The following SHROOM2 variants were observed in gnomAD, a reference collection of about 807,000 sequenced individuals.
SHROOM2 encodes the protein shroom family member 2.
In SHROOM2, 33 loss-of-function variants were observed where a neutral mutation model predicts 75.9. The observed-to-expected ratio is 0.43, with a 90% CI of 0.33 to 0.58. The LOEUF (loss-of-function observed/expected upper bound fraction) is 0.58. Ranked by LOEUF, SHROOM2 falls within the 20% of genes least tolerant of loss-of-function variation. The pLI is 0.04. For synonymous variants in SHROOM2, 655 were observed against 663.6 expected, an observed-to-expected ratio of 0.99 and a Z score of 0.20; for missense variants, 1,434 against 1,461.2, an observed-to-expected ratio of 0.98 and a Z score of 0.30.
At chrX:9,834,302 G>A (rs146798118) in intron 1 of SHROOM2, among the ~76,000 whole-genome samples, 237 of 112,355 alleles carry the variant, frequency 2.1e-3, no homozygotes, top group Middle Eastern at 4.6e-3. Context: ...GGAGGAGGTG[G>A]TGTCCTCCAG....
intron 1 of SHROOM2, among the ~76,000 whole-genome samples, chrX:9,829,571 G>A (rs2083905231): frequency 8.9e-6 from 1 of 112,020 alleles, no homozygotes; most frequent in South Asian, 3.7e-4. Flanking sequence ...CCCTTAGGGT[G>A]GCAGGGACAC....
Position 9,895,351 on chromosome X carries a change from G to T in SHROOM2, c.1443G>T (p.Val481=), listed in dbSNP as rs370272422. 1.7e-6 allele frequency: 2 copies of T among 1,183,364 alleles called. No individual in the cohort carries two copies. The highest frequency in any genetic ancestry group is 2.3e-6 in the Non-Finnish European group (2 of 881,595). ...GCTGGCAGGGTCCCCGGCCCTGTGT[G>T]CAGGGAGACCTGCAAGCAGCACAGC... The part of the protein sequence containing the change: ...GSGWQGPRPC[V]QGDLQAAQLW... Residue 481 remains valine, a synonymous_variant, in exon 4 of 10, where the codon GTG becomes GTT. Transcript: ENST00000380913.
intron 2 of SHROOM2, among the ~76,000 whole-genome samples, chrX:9,889,271 C>T (rs1411736175): frequency 8.9e-6 from 1 of 112,320 alleles, no homozygotes; most frequent in Non-Finnish European, 1.9e-5. Flanking sequence ...TCTGAGTCAT[C>T]GAAAGGTTTG....
chrX:9,930,083 G>A (rs1187226108), intron 5 of SHROOM2, among the ~76,000 whole-genome samples: 1 of 111,581 alleles, frequency 9.0e-6, no homozygotes, highest in East Asian at 2.8e-4. Context: ...GCGTGAAAAC[G>A]AACTAATACC....
At chrX:9,874,084 C>CA (rs1569155556) in intron 2 of SHROOM2, among the ~76,000 whole-genome samples, 1 of 112,308 alleles carries the variant, frequency 8.9e-6, no homozygotes, top group East Asian at 2.8e-4. Flanking sequence ...AGGCAGAAAA[C>CA]GGTGCTTATG....
chrX:9,920,292 T>C (rs997247396), intron 5 of SHROOM2, among the ~76,000 whole-genome samples: 1 of 112,461 alleles, frequency 8.9e-6, no homozygotes, highest in African/African-American at 3.2e-5. Flanking sequence ...GATACCCCGA[T>C]AGAGTTGTGG....
At chrX:9,919,459 G>GCCT (rs2084522154) in intron 5 of SHROOM2, among the ~76,000 whole-genome samples, 2 of 104,578 alleles carry the variant, frequency 1.9e-5, no homozygotes, top group Non-Finnish European at 3.9e-5. Flanking sequence ...AGCCTCCTGA[G>GCCT]TAGCTGGGAC....
At chrX:9,886,766 T>C (rs940311173) in intron 2 of SHROOM2, among the ~76,000 whole-genome samples, 7 of 112,030 alleles carry the variant, frequency 6.2e-5, no homozygotes, top group African/African-American at 2.3e-4. Context: ...TTGTAGCATA[T>C]GTCAAAATTT....
intron 1 of SHROOM2, among the ~76,000 whole-genome samples, chrX:9,812,681 G>A (rs984546286): frequency 3.6e-5 from 4 of 112,206 alleles, no homozygotes; most frequent in African/African-American, 9.7e-5. Context: ...TATCATCAAT[G>A]CAGTGGACCA....
intron 1 of SHROOM2, chrX:9,819,020 A>C: frequency 3.9e-6 from 4 of 1,030,950 alleles, no homozygotes; most frequent in Non-Finnish European, 5.5e-6. Flanking sequence ...TGCCCTTTAT[A>C]TTTTTCTTTT....
chrX:9,914,684 G>A (rs1438604225), intron 5 of SHROOM2, among the ~76,000 whole-genome samples: 1 of 111,844 alleles, frequency 8.9e-6, no homozygotes, highest in Non-Finnish European at 1.9e-5. Flanking sequence ...AAAGTTCACA[G>A]TGCCTCTTCA....
chrX:9,937,202 G>T lies in SHROOM2; in HGVS notation c.3656G>T (p.Ser1219Ile), dbSNP rs764780531. 2.5e-6 allele frequency: 3 copies of T among 1,205,168 alleles called. No individual in the cohort carries two copies. In the South Asian group the frequency reaches 5.4e-5, roughly 22 times the overall value. ...CCCATCAAGATCGTGCACTCGGAGA[G>T]CCAGCCAGAGAAGGAGAGCCGCCAG... Reference protein sequence around the residue: ...MVPIKIVHSESQPEKESRQSL... With the variant: ...MVPIKIVHSEIQPEKESRQSL... Residue 1219 changes from serine to isoleucine, a missense_variant, in exon 7 of 10, where the codon AGC (serine) becomes ATC (isoleucine). Ser to Ile is a moderately radical substitution (Grantham distance 142, BLOSUM62 -2). Around this residue, in one of 3 missense-constraint regions of SHROOM2, gnomAD observed 1,340 missense variants for 1,338.3 expected, o/e 1.00. Coordinates refer to ENST00000380913, the MANE Select transcript of SHROOM2 (RefSeq NM_001649.4).
chrX:9,946,375 C>T, intron 9 of SHROOM2, among the ~76,000 whole-genome samples: 1 of 113,006 alleles, frequency 8.8e-6, no homozygotes, highest in Non-Finnish European at 1.9e-5. Flanking sequence ...GGTGACTCTT[C>T]TGCTCACCAT....
chrX:9,823,057 C>CCCCCT (rs778109484), intron 1 of SHROOM2, among the ~76,000 whole-genome samples: 1 of 62,398 alleles, frequency 1.6e-5, no homozygotes, highest in Non-Finnish European at 3.7e-5. Context: ...CCTCCTCCTC[C>CCCCCT]TCCTCCTCCT....
chrX:9,814,454 G>T lies in SHROOM2; in HGVS notation c.165+27744G>T, dbSNP rs146635846. Among the ~76,000 whole-genome samples the T allele has an allele frequency of 4.1e-3, 451 of 111,122 alleles. 2 individuals carry two copies. Among genetic ancestry groups the T allele is most frequent in the African/African-American group, 0.013 (405 of 30,588 alleles). ...AGAACTCAAATGGTTCTTTTCGAGT[G>T]TAGCGCACCTCCTCATGGGTCACAT... On this transcript the variant is annotated intron_variant, in intron 1 of 9. Coordinates refer to ENST00000380913, the MANE Select transcript of SHROOM2 (RefSeq NM_001649.4).
At chrX:9,831,955 G>A (rs932358565) in intron 1 of SHROOM2, among the ~76,000 whole-genome samples, 2 of 111,271 alleles carry the variant, frequency 1.8e-5, no homozygotes, top group African/African-American at 6.6e-5. Flanking sequence ...TGGATTTTGT[G>A]GGTGGGGGAA....
chrX:9,939,262 G>T lies in SHROOM2; in HGVS notation c.4207G>T (p.Ala1403Ser). The T allele has an allele frequency of 8.3e-7, 1 of 1,209,845 alleles. No individual in the cohort carries two copies. Among genetic ancestry groups the T allele is most frequent in the Non-Finnish European group, 1.1e-6 (1 of 894,485 alleles). The change falls in exon 8 of 10, where the codon GCC becomes TCC. Residue 1403 changes from alanine to serine, a missense_variant. Physicochemically the swap from Ala to Ser is moderately conservative, Grantham distance 99. Around this residue, in one of 3 missense-constraint regions of SHROOM2, gnomAD observed 1,340 missense variants for 1,338.3 expected, o/e 1.00. Transcript: ENST00000380913. ...CAATTCTACCTACTACAGCACGTCG[G>T]CCCCCAAGGCGGAGCTGCTGATCAA... The part of the protein sequence containing the change: ...ATNSTYYSTS[A>S]PKAELLIKMK...
rs57235803 is a variant in SHROOM2, at chrX:9,908,944, A to AAAATAAAT, written c.2891+10678_2891+10685dup. On this transcript the variant is annotated intron_variant, in intron 5 of 9. Coordinates refer to ENST00000380913, the MANE Select transcript of SHROOM2 (RefSeq NM_001649.4). ...TGGGTGACAGTGAGACCCTCTCTCA[A>AAAATAAAT]AAATAAATAAATAAATAAATAAATA... Among the ~76,000 whole-genome samples the AAAATAAAT allele has an allele frequency of 7.9e-3, 814 of 102,990 alleles. 7 individuals are homozygous for AAAATAAAT. Among genetic ancestry groups the AAAATAAAT allele is most frequent in the African/African-American group, 0.019 (562 of 28,876 alleles). 89.4% of individuals were successfully genotyped at this position (102,990 alleles called of 115,157 possible).
chrX:9,837,199 C>T lies in SHROOM2; in HGVS notation c.166-36453C>T, dbSNP rs60340255. Among the ~76,000 whole-genome samples the T allele has an allele frequency of 8.3e-3, 930 of 112,453 alleles. 12 individuals carry two copies. The highest frequency in any genetic ancestry group is 0.028 in the African/African-American group (866 of 30,965). On this transcript the variant is annotated intron_variant, in intron 1 of 9. Transcript: ENST00000380913. ...TTTGTGGGCACACGGGAGGGGGTCT[C>T]GGCTCTGGAAGTGACCAGCTTTGTG...
Sources: gnomAD v4.1 joint callset for allele counts (sites outside exome capture counted in the v4.1 genomes callset) on GRCh38, gnomAD v4.1.1 for gene constraint, gnomAD v4.1.1 regional missense constraint, MANE v1.5 for transcripts, NCBI Gene and HGNC (gene_info 2026-07-23, HGNC 2026-07-21) for gene names.